RBFOX1: variants seen among roughly 807,000 people sequenced by gnomAD.
RBFOX1 encodes the protein RNA binding fox-1 homolog 1.
Under a neutral mutation model 57.7 loss-of-function variants are expected in RBFOX1, and 8 were observed. That is an observed-to-expected ratio of 0.14 (90% confidence interval 0.08 to 0.25). The LOEUF is 0.25. Ranked by LOEUF, RBFOX1 falls within the 10% of genes least tolerant of loss-of-function variation. RBFOX1 has a pLI of 1.00. For synonymous variants in RBFOX1, 326 were observed against 222.4 expected (o/e 1.47, Z -4.15); for missense variants, 611 against 548.5 (o/e 1.11, Z -1.14).
At chr16:6,611,717 C>T (rs1465433926) in intron 2 of RBFOX1, among the ~76,000 whole-genome samples, 1 of 152,244 alleles carries the variant, frequency 6.6e-6, no homozygotes, top group Non-Finnish European at 1.5e-5. Context: ...GATATTTTCA[C>T]CCAGTAGAGG....
At chr16:6,383,563 A>T (rs2092001737) in intron 2 of RBFOX1, among the ~76,000 whole-genome samples, 2 of 152,158 alleles carry the variant, frequency 1.3e-5, no homozygotes, top group Non-Finnish European at 2.9e-5. Context: ...TCACAAGGTC[A>T]GGAGTTCGAG....
rs148460259 is a variant in RBFOX1 at position 6,758,581 on chromosome 16, T to G, written c.-16+103931T>G. On this transcript the variant is annotated intron_variant, in intron 3 of 15. Transcript: ENST00000550418. Reference sequence around the variant, plus strand: ...CCATGCTCTCTAAAACATCCCAAACTGTACCAAGCAACTACATTTGATTGA... The same window carrying G: ...CCATGCTCTCTAAAACATCCCAAACGGTACCAAGCAACTACATTTGATTGA... 3.3e-3 allele frequency among the ~76,000 whole-genome samples: 505 copies of G among 152,272 alleles called. 4 individuals carry two copies. Among genetic ancestry groups the G allele is most frequent in the African/African-American group, 0.011 (470 of 41,548 alleles).
chr16:6,491,360 G>A (rs1047325590), intron 2 of RBFOX1, among the ~76,000 whole-genome samples: 10 of 152,106 alleles, frequency 6.6e-5, no homozygotes. Flanking sequence ...GATAACTAGT[G>A]ATAAACCTTG....
At chr16:7,541,895 G>A (rs2083050551) in intron 5 of RBFOX1, among the ~76,000 whole-genome samples, 1 of 152,246 alleles carries the variant, frequency 6.6e-6, no homozygotes, top group African/African-American at 2.4e-5. Flanking sequence ...CAAGCCACAT[G>A]CCTGCAAAGA....
At chr16:6,682,963 G>C (rs955880912) in intron 3 of RBFOX1, among the ~76,000 whole-genome samples, 9 of 151,992 alleles carry the variant, frequency 5.9e-5, no homozygotes, top group African/African-American at 2.2e-4. Context: ...GCCTCATAGG[G>C]GTTGACAAGC....
intron 1 of RBFOX1, among the ~76,000 whole-genome samples, chr16:5,351,789 C>G (rs948285465): frequency 6.6e-6 from 1 of 152,040 alleles, no homozygotes; most frequent in African/African-American, 2.4e-5. Flanking sequence ...GCTTTAGGCT[C>G]TAAGTCTCCA....
At chr16:6,830,686 G>C (rs950624817) in intron 3 of RBFOX1, among the ~76,000 whole-genome samples, 2 of 152,188 alleles carry the variant, frequency 1.3e-5, no homozygotes, top group South Asian at 2.1e-4. Flanking sequence ...AATAGCAACA[G>C]TGTCTTGGTT....
intron 4 of RBFOX1, among the ~76,000 whole-genome samples, chr16:7,153,168 C>T (rs894091953): frequency 6.0e-5 from 9 of 150,436 alleles, no homozygotes; most frequent in East Asian, 3.9e-4. Context: ...GTTATGAATC[C>T]GTCTGTGTCA....
At chr16:7,551,316 G>A (rs945300663) in intron 5 of RBFOX1, among the ~76,000 whole-genome samples, 10 of 152,226 alleles carry the variant, frequency 6.6e-5, no homozygotes, top group African/African-American at 2.2e-4. Context: ...GATTTCAGAC[G>A]TTAGACAGCA....
intron 1 of RBFOX1, among the ~76,000 whole-genome samples, chr16:5,421,953 T>C (rs970619884): frequency 6.6e-6 from 1 of 152,178 alleles, no homozygotes; most frequent in Non-Finnish European, 1.5e-5. Context: ...AAAAGAGCCA[T>C]GATGCCTACT....
At chr16:6,091,888 T>A (rs886214192) in intron 1 of RBFOX1, among the ~76,000 whole-genome samples, 1 of 152,198 alleles carries the variant, frequency 6.6e-6, no homozygotes, top group Non-Finnish European at 1.5e-5. Context: ...AGTGTTTTAA[T>A]GGCTTTTACT....
intron 3 of RBFOX1, among the ~76,000 whole-genome samples, chr16:6,824,854 T>A (rs2091892719): frequency 6.6e-6 from 1 of 152,006 alleles, no homozygotes; most frequent in Non-Finnish European, 1.5e-5. Context: ...GAAACACTAT[T>A]AACATTTCAA....
intron 3 of RBFOX1, among the ~76,000 whole-genome samples, chr16:6,966,364 G>C (rs1444658147): frequency 1.6e-4 from 25 of 152,090 alleles, no homozygotes; most frequent in Admixed American, 1.6e-3. Context: ...TAGTTTGAAA[G>C]AAATAATAAG....
At chr16:6,738,537 T>C (rs1156564263) in intron 3 of RBFOX1, among the ~76,000 whole-genome samples, 1 of 152,206 alleles carries the variant, frequency 6.6e-6, no homozygotes, top group Non-Finnish European at 1.5e-5. Context: ...CCCACAGTTA[T>C]AATTGTAAAC....
chr16:6,327,986 C>T lies in RBFOX1; in HGVS notation c.-64+10929C>T, dbSNP rs112586066. Among the ~76,000 whole-genome samples, 1,133 of 152,172 alleles carry T rather than the reference C, an allele frequency of 7.4e-3. 11 individuals carry two copies. Among genetic ancestry groups the T allele is most frequent in the African/African-American group, 0.024 (997 of 41,524 alleles). ...CTTCTGAAAATGATCTGGGTGGAAA[C>T]GTATAAAGGTTGTGCATTGCCAATT... On this transcript the variant is annotated intron_variant, in intron 2 of 15. Coordinates refer to ENST00000550418, the MANE Select transcript of RBFOX1 (RefSeq NM_018723.4).
At position 5,301,154 on chromosome 16, in the gene RBFOX1, C is replaced by A. The variant is rs1285514770; in HGVS notation, c.219+61049C>A. 3.3e-5 allele frequency among the ~76,000 whole-genome samples: 5 copies of A among 152,302 alleles called. No homozygotes were observed. The East Asian group carries it at 9.6e-4, about 29-fold the overall frequency. Reference sequence around the variant, plus strand: ...AGACCAGTTTACAGAAAGACCGTTGCTTCCATCTTGTTTGTTCTTTCTTGC... The same window carrying A: ...AGACCAGTTTACAGAAAGACCGTTGATTCCATCTTGTTTGTTCTTTCTTGC... On this transcript the variant is annotated intron_variant, in intron 1 of 2. Transcript: ENST00000585867.
At position 6,826,119 on chromosome 16, in the gene RBFOX1, G is replaced by A. The variant is rs79191102; in HGVS notation, c.-16+171469G>A. Among the ~76,000 whole-genome samples, 1,063 of 152,180 alleles carry A rather than the reference G, an allele frequency of 7.0e-3. 14 individuals carry two copies. Among genetic ancestry groups the A allele is most frequent in the African/African-American group, 0.023 (965 of 41,516 alleles). ...TAGCTGTTTATTTCATCTTGGTCAT[G>A]CCGTCTCACTTCTCCCTACCCCAGT... On this transcript the variant is annotated intron_variant, in intron 3 of 15. Coordinates refer to ENST00000550418, the MANE Select transcript of RBFOX1 (RefSeq NM_018723.4).
At chr16:5,467,923 A>G (rs1332369090) in intron 2 of RBFOX1, among the ~76,000 whole-genome samples, 1 of 152,208 alleles carries the variant, frequency 6.6e-6, no homozygotes, top group Non-Finnish European at 1.5e-5. Flanking sequence ...TTTATTATAT[A>G]TGTAAATTTC....
intron 14 of RBFOX1, among the ~76,000 whole-genome samples, chr16:7,687,744 A>T (rs1388592143): frequency 6.6e-6 from 1 of 152,104 alleles, no homozygotes; most frequent in East Asian, 1.9e-4. Context: ...TATAATTAGC[A>T]ATTAAAATAT....
Sources: allele counts gnomAD v4.1 joint callset (sites outside exome capture counted in the v4.1 genomes callset), GRCh38; gene constraint gnomAD v4.1.1; transcripts MANE v1.5; gene names NCBI Gene and HGNC (gene_info 2026-07-23, HGNC 2026-07-21).